The following MCTP2 variants were observed in gnomAD, a reference collection of about 807,000 sequenced individuals.
The protein encoded by MCTP2 is multiple C2 and transmembrane domain containing 2, also known as multiple C2 and transmembrane domain-containing protein 2.
Under a neutral mutation model 111.6 loss-of-function variants are expected in MCTP2, and 132 were observed. The ratio of observed to expected loss-of-function variants is 1.18; its 90% CI spans 1.03 to 1.37. The LOEUF (loss-of-function observed/expected upper bound fraction) is 1.37, where lower values mean the gene tolerates loss of function less well. MCTP2 is among the 40% of genes most tolerant of loss of function. The pLI is 0.00. For missense variants in MCTP2, 1,183 were observed against 1,067.9 expected (o/e 1.11, Z -1.50); for synonymous variants, 395 against 387.7 (o/e 1.02, Z -0.22).
chr15:94,447,390 T>C lies in MCTP2; in HGVS notation c.2250+4430T>C, dbSNP rs141014167. Among the ~76,000 whole-genome samples, 362 of 151,300 alleles carry C rather than the reference T, an allele frequency of 2.4e-3. 1 individual carries two copies. Among genetic ancestry groups the C allele is most frequent in the African/African-American group, 7.4e-3 (300 of 40,738 alleles). The stretch of plus-strand genomic sequence containing the variant: ...TAATTCATTTGTGTGTGTGTGTGTG[T>C]TGTGTTTGTTTGTTTGTTTTTTGAG... On this transcript the variant is annotated intron_variant, in intron 19 of 22. Transcript: ENST00000357742.
intron 10 of MCTP2, among the ~76,000 whole-genome samples, chr15:94,360,076 A>T (rs530869276): frequency 1.2e-4 from 18 of 152,192 alleles, no homozygotes; most frequent in African/African-American, 3.9e-4. Flanking sequence ...CACACACAGC[A>T]TCCCTTTTTT....
intron 14 of MCTP2, among the ~76,000 whole-genome samples, chr15:94,387,844 G>A (rs1230026438): frequency 2.0e-5 from 3 of 152,212 alleles, no homozygotes; most frequent in Non-Finnish European, 4.4e-5. Context: ...GGAAAAAGGG[G>A]CATTTGAGTG....
intron 1 of MCTP2, among the ~76,000 whole-genome samples, chr15:94,269,093 G>A (rs1413939758): frequency 6.6e-6 from 1 of 152,042 alleles, no homozygotes; most frequent in African/African-American, 2.4e-5. Context: ...CTCCAACAAT[G>A]TTCATTTGTC....
intron 1 of MCTP2, among the ~76,000 whole-genome samples, chr15:94,257,533 C>T (rs2072857905): frequency 7.3e-6 from 1 of 137,284 alleles, no homozygotes; most frequent in African/African-American, 2.7e-5. Context: ...TCAGAACTAT[C>T]ACATTTTAAA....
intron 9 of MCTP2, among the ~76,000 whole-genome samples, chr15:94,356,812 C>T (rs2078651332): frequency 6.6e-6 from 1 of 152,064 alleles, no homozygotes. Context: ...TTATTTTAAA[C>T]AAACATAATG....
At chr15:94,357,982 AT>A (rs1426076665) in intron 9 of MCTP2, among the ~76,000 whole-genome samples, 2 of 152,192 alleles carry the variant, frequency 1.3e-5, no homozygotes, top group African/African-American at 4.8e-5. Context: ...CTAACTTTGG[AT>A]TTAAAAATAG....
chr15:94,436,505 T>G (rs1470726789), intron 17 of MCTP2, among the ~76,000 whole-genome samples: 1 of 152,202 alleles, frequency 6.6e-6, no homozygotes, highest in Admixed American at 6.5e-5. Flanking sequence ...GGTCTCACTG[T>G]AAAAGAGTTT....
chr15:94,424,024 A>G (rs2082754205), intron 17 of MCTP2, among the ~76,000 whole-genome samples: 1 of 152,184 alleles, frequency 6.6e-6, no homozygotes, highest in Admixed American at 6.5e-5. Context: ...TAATGGTAAT[A>G]CTAAATGTTG....
chr15:94,385,876 AT>A (rs2080441097), intron 14 of MCTP2, among the ~76,000 whole-genome samples: 1 of 152,202 alleles, frequency 6.6e-6, no homozygotes, highest in African/African-American at 2.4e-5. Flanking sequence ...ACACACATGT[AT>A]TTCTTTATAG....
rs534698167 is a variant in MCTP2 at position 94,476,742 on chromosome 15, CAAT to C, written c.2521_2523del (p.Asn841del). Reference sequence around the variant, plus strand: ...AGCTTCGAAATCCCTATTCCATCGACAATAATGAGCTACTAGACTTCCTCTCTA... The same window carrying C: ...AGCTTCGAAATCCCTATTCCATCGACAATGAGCTACTAGACTTCCTCTCTA... On this transcript the variant is annotated inframe_deletion, in exon 22 of 23. Transcript: ENST00000357742. 1.2e-6 allele frequency: 2 copies of C among 1,609,760 alleles called. No individual in the cohort carries two copies. The highest frequency in any genetic ancestry group is 1.7e-6 in the Non-Finnish European group (2 of 1,176,272).
rs1441236581 is a variant in MCTP2, at chr15:94,430,952, C to A, written c.2086-9224C>A. On this transcript the variant is annotated intron_variant, in intron 17 of 22. Coordinates refer to ENST00000357742, the MANE Select transcript of MCTP2 (RefSeq NM_001385001.1). ...ACATGTAATTGCAAACCCAGCCCCA[C>A]TGCCTGATACTCCTTCCCTTCCTTG... Among the ~76,000 whole-genome samples, 3 of 152,172 alleles carry A rather than the reference C, an allele frequency of 2.0e-5. No homozygotes were observed. The East Asian group carries it at 5.8e-4, about 29-fold the overall frequency.
At chr15:94,441,323 A>G (rs1280834477) in intron 18 of MCTP2, among the ~76,000 whole-genome samples, 1 of 152,222 alleles carries the variant, frequency 6.6e-6, no homozygotes, top group African/African-American at 2.4e-5. Flanking sequence ...CATATCAGTG[A>G]GAAAATAGAA....
intron 15 of MCTP2, 108 bp downstream of exon 15, chr15:94,399,170 A>G (rs2081428225): frequency 1.5e-6 from 1 of 651,114 alleles, no homozygotes; most frequent in Non-Finnish European, 2.8e-6. Context: ...TTTTGCAGCT[A>G]CAGAGAGGAA....
intron 1 of MCTP2, among the ~76,000 whole-genome samples, chr15:94,258,034 A>ATTTTTTT (rs60905293): frequency 1.1e-4 from 11 of 98,976 alleles, no homozygotes; most frequent in Admixed American, 7.5e-4. Context: ...CCACCATGTC[A>ATTTTTTT]TTTTTTTTTT....
intron 1 of MCTP2, among the ~76,000 whole-genome samples, chr15:94,291,532 T>C (rs561853321): frequency 6.6e-6 from 1 of 150,896 alleles, no homozygotes; most frequent in East Asian, 2.0e-4. Flanking sequence ...ACCGGGGAGG[T>C]GGAGGTTGCA....
At chr15:94,397,715 A>G (rs1183293857) in intron 14 of MCTP2, among the ~76,000 whole-genome samples, 1 of 152,190 alleles carries the variant, frequency 6.6e-6, no homozygotes, top group African/African-American at 2.4e-5. Context: ...CCCATGACTT[A>G]TACAACTCAT....
intron 6 of MCTP2, 27 bp from the exon 7 acceptor site, chr15:94,340,786 G>A: frequency 1.4e-6 from 2 of 1,399,448 alleles, no homozygotes; most frequent in Admixed American, 3.4e-5. Context: ...ATAAGTGGTA[G>A]CATTATTTGT....
At chr15:94,430,039 A>G (rs1402250015) in intron 17 of MCTP2, among the ~76,000 whole-genome samples, 1 of 152,170 alleles carries the variant, frequency 6.6e-6, no homozygotes, top group Non-Finnish European at 1.5e-5. Context: ...CTTCTCACTA[A>G]TTCCACTGCC....
At chr15:94,334,303 G>A (rs1381087675) in intron 4 of MCTP2, among the ~76,000 whole-genome samples, 5 of 152,180 alleles carry the variant, frequency 3.3e-5, no homozygotes, top group Admixed American at 6.5e-5. Context: ...TAAAAGGAAC[G>A]TCTGAGACTT....
Sources: allele counts gnomAD v4.1 joint callset (sites outside exome capture counted in the v4.1 genomes callset), GRCh38; gene constraint gnomAD v4.1.1; transcripts MANE v1.5; gene names NCBI Gene and HGNC (gene_info 2026-07-23, HGNC 2026-07-21).